The following TTC27 variants were observed in gnomAD, a reference collection of about 807,000 sequenced individuals.
The protein encoded by TTC27 is tetratricopeptide repeat domain 27, also known as tetratricopeptide repeat protein 27.
In TTC27, 79 loss-of-function variants were observed where a neutral mutation model predicts 115.9. That is an observed-to-expected ratio of 0.68 (90% CI 0.57 to 0.82). The LOEUF (loss-of-function observed/expected upper bound fraction) is 0.82, where lower values mean the gene tolerates loss of function less well. Among genes scored for constraint, TTC27 ranks in the 40% least tolerant of loss-of-function variants. The probability of loss-of-function intolerance (pLI) is 0.00; values close to 1 mark genes in which losing one functional copy is unlikely to be tolerated. For missense variants in TTC27, 1,054 were observed against 993.1 expected, an observed-to-expected ratio of 1.06 and a Z score of -0.82; for synonymous variants, 401 against 356.0, an observed-to-expected ratio of 1.13 and a Z score of -1.42.
chr2:32,769,329 G>A (rs181496264), intron 13 of TTC27, among the ~76,000 whole-genome samples: 19 of 152,328 alleles, frequency 1.2e-4, no homozygotes, highest in Non-Finnish European at 2.1e-4. Flanking sequence ...AGAGGGCTAT[G>A]AAGAGGTCAT....
At chr2:32,655,235 T>C (rs1326992774) in intron 5 of TTC27, among the ~76,000 whole-genome samples, 1 of 152,026 alleles carries the variant, frequency 6.6e-6, no homozygotes, top group Non-Finnish European at 1.5e-5. Context: ...CATGATCTGC[T>C]TGCCTTGGCC....
At chr2:32,749,228 C>T (rs1210502507) in intron 12 of TTC27, among the ~76,000 whole-genome samples, 1 of 152,170 alleles carries the variant, frequency 6.6e-6, no homozygotes, top group African/African-American at 2.4e-5. Flanking sequence ...TTTCACTGAA[C>T]AAGCTTAGAA....
chr2:32,787,008 A>G lies in TTC27; in HGVS notation c.1857A>G (p.Gln619=). ...KQKVKAFRTL[Q]EALKCNYEHW... ...GAGTAAAAGCTTTTAGAACTTTACA[A>G]GAAGCTCTCAAGTGTAACTATGAAC... The change falls in exon 16 of 20, where the codon CAA becomes CAG. Residue 619 remains glutamine (Q), a synonymous_variant. Transcript: ENST00000317907. 3 of 1,612,940 alleles carry G rather than the reference A, an allele frequency of 1.9e-6. No individual in the cohort carries two copies. The highest frequency in any genetic ancestry group is 1.1e-5 in the South Asian group (1 of 90,660).
rs1263512438 is a variant in TTC27, at chr2:32,628,358, A to G, written c.66A>G (p.Lys22=). The G allele has an allele frequency of 6.2e-7, 1 of 1,606,090 alleles. No homozygotes were observed. The highest frequency in any genetic ancestry group is 8.5e-7 in the Non-Finnish European group (1 of 1,177,372). The stretch of plus-strand genomic sequence containing the variant: ...CTGAGGCTGAGCGGCAGCAATGGAA[A>G]CAGGAGGGGGTCGTCGGTTCAGGTG... ...FPTEAERQQW[K]QEGVVGSESG... is the part of the protein sequence containing the mutation. Residue 22 remains lysine, a synonymous_variant, in exon 1 of 20, where the codon AAA becomes AAG. Transcript: ENST00000317907.
chr2:32,697,247 G>A (rs1205176683), intron 9 of TTC27, among the ~76,000 whole-genome samples: 1 of 151,534 alleles, frequency 6.6e-6, no homozygotes. Context: ...TATGGTAATA[G>A]CAAATTATAT....
rs775329542 is a variant in TTC27, at chr2:32,664,358, A to G, written c.696A>G (p.Gln232=). The G allele has an allele frequency of 1.5e-5, 24 of 1,611,848 alleles. No individual in the cohort carries two copies. Among genetic ancestry groups the G allele is most frequent in the African/African-American group, 2.7e-5 (2 of 74,888 alleles). The part of the protein sequence containing the change: ...VDDSGRYLAI[Q]FHLECAYVFL... ...ATTCAGGTCGATATTTGGCTATTCA[A>G]TTCCATCTGGAATGTGCATATGTGT... The change falls in exon 6 of 20, where the codon CAA becomes CAG. Residue 232 remains glutamine (Q), a synonymous_variant. Transcript: ENST00000317907.
At chr2:32,629,694 C>T (rs1246663021) in intron 1 of TTC27, among the ~76,000 whole-genome samples, 1 of 152,112 alleles carries the variant, frequency 6.6e-6, no homozygotes, top group Non-Finnish European at 1.5e-5. Flanking sequence ...CCACCTCGGC[C>T]TCCCAAAGTG....
In TTC27 at chr2:32,795,751, A is replaced by ATTATTATTATTATTATTATT. The variant is rs1670682251; in HGVS notation, c.1998+8607_1998+8608insATTATTATTATTATTTTATT. Reference sequence around the variant, plus strand: ...TATTATTATTATTATTATTATTATTATTATTTTAGTAGAGATGGGGTTTCA... The same window carrying ATTATTATTATTATTATTATT: ...TATTATTATTATTATTATTATTATTATTATTATTATTATTATTATTTTATTTTAGTAGAGATGGGGTTTCA... On this transcript the variant is annotated intron_variant, in intron 16 of 19. Coordinates refer to ENST00000317907, the MANE Select transcript of TTC27 (RefSeq NM_017735.5). Among the ~76,000 whole-genome samples the ATTATTATTATTATTATTATT allele has an allele frequency of 2.0e-5, 3 of 147,230 alleles. No individual in the cohort carries two copies. The South Asian group carries it at 6.4e-4, about 31-fold the overall frequency.
At chr2:32,771,906 G>T (rs1039301205) in intron 13 of TTC27, among the ~76,000 whole-genome samples, 4 of 152,088 alleles carry the variant, frequency 2.6e-5, no homozygotes, top group Non-Finnish European at 4.4e-5. Context: ...ATGGCTTTAG[G>T]ATTAGATTAT....
At chr2:32,695,718 CAAAAAAAAAAAAAAAAA>C (rs66677186) in intron 9 of TTC27, among the ~76,000 whole-genome samples, 1 of 29,706 alleles carries the variant, frequency 3.4e-5, no homozygotes, top group African/African-American at 1.4e-4. Flanking sequence ...GGCTCTATCT[CAAAAAAAAAAAAAAAAA>C]AAAAAAAAAA....
intron 16 of TTC27, among the ~76,000 whole-genome samples, chr2:32,795,531 CTTATTTATTTATTTAT>C (rs70938366): frequency 1.1e-4 from 16 of 142,808 alleles, no homozygotes; most frequent in African/African-American, 1.8e-4. Flanking sequence ...AGCTTCTTTT[CTTATTTATTTATTTAT>C]TTATTTATTT....
chr2:32,720,567 T>C (rs1397873322), intron 10 of TTC27, among the ~76,000 whole-genome samples: 1 of 152,098 alleles, frequency 6.6e-6, no homozygotes, highest in Non-Finnish European at 1.5e-5. Context: ...GAGGTCAACA[T>C]AGGGTAGTAA....
chr2:32,638,051 T>C (rs1023351065), intron 3 of TTC27, among the ~76,000 whole-genome samples: 2 of 152,226 alleles, frequency 1.3e-5, no homozygotes, highest in South Asian at 4.1e-4. Flanking sequence ...GAGATCTGTT[T>C]CCAGTTCCCA....
At chr2:32,707,903 A>G (rs550782274) in intron 10 of TTC27, among the ~76,000 whole-genome samples, 17 of 152,212 alleles carry the variant, frequency 1.1e-4, no homozygotes, top group African/African-American at 4.1e-4. Flanking sequence ...CAGCTGGGGC[A>G]GGGAAAATGA....
chr2:32,648,674 C>G (rs1279175332), intron 4 of TTC27, among the ~76,000 whole-genome samples: 1 of 151,996 alleles, frequency 6.6e-6, no homozygotes. Flanking sequence ...AAAGAAAAAG[C>G]TACTATATGC....
chr2:32,736,094 A>T (rs1253671665), intron 11 of TTC27, among the ~76,000 whole-genome samples: 1 of 152,122 alleles, frequency 6.6e-6, no homozygotes, highest in Non-Finnish European at 1.5e-5. Context: ...GCAGGTGTTA[A>T]CACTTATAAA....
At chr2:32,659,405 T>G (rs899499431) in intron 5 of TTC27, among the ~76,000 whole-genome samples, 1 of 151,878 alleles carries the variant, frequency 6.6e-6, no homozygotes, top group Non-Finnish European at 1.5e-5. Context: ...ACTCTATTTT[T>G]TCTTTATCTT....
intron 12 of TTC27, among the ~76,000 whole-genome samples, chr2:32,743,598 A>G (rs1399972538): frequency 1.3e-5 from 2 of 152,184 alleles, no homozygotes; most frequent in African/African-American, 4.8e-5. Flanking sequence ...TCAGTTCTCA[A>G]CACTGGACTG....
chr2:32,749,136 C>T (rs1668925840), intron 12 of TTC27, among the ~76,000 whole-genome samples: 2 of 152,146 alleles, frequency 1.3e-5, no homozygotes, highest in Admixed American at 6.5e-5. Flanking sequence ...TGTTTCTTTG[C>T]ATTTGTTTGC....
Sources: allele counts gnomAD v4.1 joint callset (sites outside exome capture counted in the v4.1 genomes callset), GRCh38; gene constraint gnomAD v4.1.1; transcripts MANE v1.5; gene names NCBI Gene and HGNC (gene_info 2026-07-23, HGNC 2026-07-21).